The following ACTA2 variants were observed in gnomAD, a reference collection of about 807,000 sequenced individuals.
The protein encoded by ACTA2 is actin, aortic smooth muscle.
ACTA2 carries 12 observed loss-of-function variants against 39.5 expected under a neutral mutation model. The observed-to-expected ratio is 0.30, with a 90% confidence interval of 0.19 to 0.49. The LOEUF is 0.49. Among genes scored for constraint, ACTA2 ranks in the 20% least tolerant of loss-of-function variants. The probability of loss-of-function intolerance (pLI) is 0.99; values close to 1 mark genes in which losing one functional copy is unlikely to be tolerated. For missense variants in ACTA2, 236 were observed against 498.8 expected, an observed-to-expected ratio of 0.47 and a Z score of 5.02; for synonymous variants, 158 against 180.6, an observed-to-expected ratio of 0.88 and a Z score of 1.00.
At chr10:88,942,119 A>G (rs954654477) in intron 4 of ACTA2, among the ~76,000 whole-genome samples, 6 of 152,170 alleles carry the variant, frequency 3.9e-5, no homozygotes, top group African/African-American at 1.4e-4. Context: ...AGGTTTGGCC[A>G]GGGGAAAGGA....
intron 1 of ACTA2, among the ~76,000 whole-genome samples, chr10:88,965,243 C>T (rs1017127032): frequency 6.6e-6 from 1 of 151,992 alleles, no homozygotes; most frequent in Non-Finnish European, 1.5e-5. Context: ...CTTTTGGAGG[C>T]AGCCAGTGTG....
At chr10:88,975,979 T>C (rs1846553110) in intron 1 of ACTA2, among the ~76,000 whole-genome samples, 1 of 152,194 alleles carries the variant, frequency 6.6e-6, no homozygotes, top group Non-Finnish European at 1.5e-5. Context: ...AAATCTGATG[T>C]CTCTTTCAAG....
chr10:88,967,075 A>C (rs1337251445), intron 1 of ACTA2, among the ~76,000 whole-genome samples: 2 of 152,246 alleles, frequency 1.3e-5, no homozygotes, highest in African/African-American at 2.4e-5. Flanking sequence ...CTAGAAAAGA[A>C]AGTGAACAGG....
At chr10:88,972,949 G>A (rs1846482928) in intron 1 of ACTA2, among the ~76,000 whole-genome samples, 1 of 152,158 alleles carries the variant, frequency 6.6e-6, no homozygotes, top group African/African-American at 2.4e-5. Flanking sequence ...GTTTGTGTAT[G>A]TGTATGTGTT....
upstream of ACTA2, among the ~76,000 whole-genome samples, chr10:88,956,193 A>C (rs564846105): frequency 2.0e-5 from 3 of 152,318 alleles, no homozygotes; most frequent in East Asian, 5.8e-4. Context: ...TGAAAAACTT[A>C]CTGGCCTCAA....
chr10:88,946,787 C>T (rs1845956607), intron 3 of ACTA2: 1 of 151,654 alleles, frequency 6.6e-6, no homozygotes, highest in Non-Finnish European at 1.5e-5. Context: ...TACATGTGCA[C>T]AACGTGCAGG....
chr10:88,955,016 C>CAAA (rs768193000), upstream of ACTA2, among the ~76,000 whole-genome samples: 195 of 71,252 alleles, frequency 2.7e-3, 1 homozygote, highest in African/African-American at 6.5e-3. Flanking sequence ...TAGTGTCACA[C>CAAA]AAAAAAAAAA....
intron 1 of ACTA2, chr10:88,973,446 T>G: frequency 1.9e-6 from 2 of 1,062,984 alleles, no homozygotes; most frequent in Non-Finnish European, 2.5e-6. Context: ...TGCCTTTCCT[T>G]TCTAAAGAAA....
At chr10:88,973,037 T>C in intron 1 of ACTA2, 1 of 923,938 alleles carries the variant, frequency 1.1e-6, no homozygotes, top group Non-Finnish European at 1.5e-6. Flanking sequence ...GAGTTTGTAG[T>C]TGTTTTATTT....
intron 1 of ACTA2, among the ~76,000 whole-genome samples, chr10:88,951,021 T>G (rs1358007223): frequency 6.6e-6 from 1 of 152,204 alleles, no homozygotes; most frequent in African/African-American, 2.4e-5. Context: ...AATCAACGTG[T>G]GGATTCCACT....
At chr10:88,991,165 G>A (rs1847175598) in exon 1 of ACTA2, 1 of 590,782 alleles carries the variant, frequency 1.7e-6, no homozygotes. Context: ...CGCTGGGCAG[G>A]CGGGGCAGCT....
At chr10:88,959,912 A>G (rs916399192) in intron 1 of ACTA2, among the ~76,000 whole-genome samples, 1 of 151,936 alleles carries the variant, frequency 6.6e-6, no homozygotes, top group African/African-American at 2.4e-5. Flanking sequence ...TGTTTTTCTC[A>G]TGATTAGACT....
intron 3 of ACTA2, among the ~76,000 whole-genome samples, chr10:88,945,863 T>G (rs1411924981): frequency 6.6e-6 from 1 of 152,192 alleles, no homozygotes; most frequent in Admixed American, 6.5e-5. Flanking sequence ...CTCCCAGCAT[T>G]TCAAGCCCCT....
At chr10:88,982,834 C>T (rs1055986714) in intron 1 of ACTA2, among the ~76,000 whole-genome samples, 2 of 152,144 alleles carry the variant, frequency 1.3e-5, no homozygotes, top group African/African-American at 2.4e-5. Context: ...TTCCCATCTA[C>T]TACCACTAAA....
intron 1 of ACTA2, among the ~76,000 whole-genome samples, chr10:88,979,284 C>T (rs1846651743): frequency 6.6e-6 from 1 of 151,792 alleles, no homozygotes; most frequent in Non-Finnish European, 1.5e-5. Flanking sequence ...AAAATGAGGT[C>T]AGCGAGTTTC....
chr10:88,939,724 GC>G (rs773773913), intron 6 of ACTA2, 26 bp from the exon 7 acceptor site: 1 of 1,613,134 alleles, frequency 6.2e-7, no homozygotes. Context: ...AAACATTGTG[GC>G]AAACATTAGG....
chr10:88,949,063 G>C, intron 1 of ACTA2, 110 bp from the exon 2 acceptor site: 2 of 989,618 alleles, frequency 2.0e-6, no homozygotes, highest in Non-Finnish European at 1.6e-6. Context: ...CTGTGTCCTA[G>C]TGCTATCCTC....
upstream of ACTA2, among the ~76,000 whole-genome samples, chr10:88,955,016 CAAAAA>C (rs768193000): frequency 1.4e-5 from 1 of 73,222 alleles, no homozygotes; most frequent in Non-Finnish European, 2.7e-5. Context: ...TAGTGTCACA[CAAAAA>C]AAAAAAAAAA....
chr10:88,979,654 G>A (rs1194097477), intron 1 of ACTA2, among the ~76,000 whole-genome samples: 3 of 151,970 alleles, frequency 2.0e-5, no homozygotes, highest in South Asian at 4.2e-4. Flanking sequence ...GAGATGGGGC[G>A]AGAACAGCAT....
Sources: gnomAD v4.1 joint callset for allele counts (sites outside exome capture counted in the v4.1 genomes callset) on GRCh38, gnomAD v4.1.1 for gene constraint, MANE v1.5 for transcripts, NCBI Gene and HGNC (gene_info 2026-07-23, HGNC 2026-07-21) for gene names.